Variants in NEDD9 observed in about 807,000 individuals in gnomAD.
NEDD9 encodes the protein neural precursor cell expressed, developmentally down-regulated 9, also known as enhancer of filamentation 1.
In NEDD9, 26 loss-of-function variants were observed where a neutral mutation model predicts 76.6. The observed-to-expected ratio is 0.34, with a 90% CI of 0.25 to 0.47. NEDD9 has a LOEUF of 0.47. Among genes scored for constraint, NEDD9 ranks in the 20% least tolerant of loss-of-function variants. The pLI, the probability that NEDD9 is intolerant of heterozygous loss-of-function variation, is 1.00. For missense variants in NEDD9, 937 were observed against 1,058.5 expected (o/e 0.89, Z 1.59); for synonymous variants, 392 against 414.2 (o/e 0.95, Z 0.65).
At chr6:11,305,705 G>C (rs1046316973) in intron 3 of NEDD9, 2 of 416,140 alleles carry the variant, frequency 4.8e-6, no homozygotes, top group Non-Finnish European at 8.8e-6. Context: ...AGGCTTGCTC[G>C]GGCACCATTA....
chr6:11,342,854 T>C (rs1214878707), intron 1 of NEDD9, among the ~76,000 whole-genome samples: 2 of 152,184 alleles, frequency 1.3e-5, no homozygotes, highest in East Asian at 1.9e-4. Flanking sequence ...GGAAGCCACA[T>C]TCAAAAGACT....
chr6:11,236,257 C>T (rs1485085119), upstream of NEDD9, among the ~76,000 whole-genome samples: 1 of 152,184 alleles, frequency 6.6e-6, no homozygotes, highest in Non-Finnish European at 1.5e-5. This position sits in a 1 kb window ranked among gnomAD's most constrained non-coding sequence, Gnocchi z 5.5. Flanking sequence ...CCTGCACTTG[C>T]CAGCACTCCG....
intron 2 of NEDD9, among the ~76,000 whole-genome samples, chr6:11,319,396 A>G (rs1761690973): frequency 6.6e-6 from 1 of 151,560 alleles, no homozygotes; most frequent in African/African-American, 2.4e-5. Context: ...ACACTCACAC[A>G]CACTCATGCA....
At chr6:11,375,919 GGT>G (rs1229947285) in intron 1 of NEDD9, among the ~76,000 whole-genome samples, 2 of 152,128 alleles carry the variant, frequency 1.3e-5, no homozygotes, top group African/African-American at 4.8e-5. Flanking sequence ...CCGCCTCCCG[GGT>G]TCATGCCATT....
At chr6:11,267,419 G>A (rs1180684608) in intron 3 of NEDD9, among the ~76,000 whole-genome samples, 1 of 151,412 alleles carries the variant, frequency 6.6e-6, no homozygotes, top group Non-Finnish European at 1.5e-5. Context: ...CTTGGCTGCA[G>A]GGATGTAGTT....
intron 2 of NEDD9, among the ~76,000 whole-genome samples, chr6:11,330,899 T>A (rs1055801714): frequency 1.3e-5 from 2 of 152,198 alleles, no homozygotes; most frequent in African/African-American, 4.8e-5. Context: ...TGCTTTAGGG[T>A]CTGAGTATTA....
At chr6:11,382,095 G>A (rs1763073581) in intron 1 of NEDD9, 1 of 152,250 alleles carries the variant, frequency 6.6e-6, no homozygotes, top group African/African-American at 2.4e-5. Context: ...GCCTGAATGA[G>A]TCCCTCCTCT....
chr6:11,296,683 T>TC (rs773456331), intron 3 of NEDD9, among the ~76,000 whole-genome samples: 9 of 128,428 alleles, frequency 7.0e-5, no homozygotes, highest in African/African-American at 1.1e-4. Flanking sequence ...TCCTTTCCCT[T>TC]CCTTCCTTCC....
chr6:11,308,618 C>G (rs1184435110), intron 2 of NEDD9, among the ~76,000 whole-genome samples: 1 of 152,078 alleles, frequency 6.6e-6, no homozygotes, highest in Non-Finnish European at 1.5e-5. Context: ...ATCCGCCCAC[C>G]TCAGCCTCCC....
rs149038949 is a variant in NEDD9, at chr6:11,379,481, G to A, written c.-214+2658C>T. Among the ~76,000 whole-genome samples, 674 of 152,162 alleles carry A rather than the reference G, an allele frequency of 4.4e-3. 4 individuals carry two copies. Among genetic ancestry groups the A allele is most frequent in the African/African-American group, 0.016 (645 of 41,506 alleles). On this transcript the variant is annotated intron_variant, in intron 1 of 3. Coordinates refer to the NEDD9 transcript ENST00000397378. ...TGGGCACCTGCAATCCCAGCTACTT[G>A]GGAGGCTGAGGCAAGAGAATCACTT...
In NEDD9 at chr6:11,319,883, C is replaced by T. The variant is rs549205925; in HGVS notation, c.-152-13728G>A. Reference sequence around the variant, plus strand: ...ACACTCATACACACTAACATGCACACATGCACACAAAGTCTGTCTCCAACT... The same window carrying T: ...ACACTCATACACACTAACATGCACATATGCACACAAAGTCTGTCTCCAACT... On this transcript the variant is annotated intron_variant, in intron 2 of 3. Coordinates refer to the NEDD9 transcript ENST00000397378. Among the ~76,000 whole-genome samples, 4 of 151,752 alleles carry T rather than the reference C, an allele frequency of 2.6e-5. No homozygotes were observed. The South Asian group carries it at 8.3e-4, about 31-fold the overall frequency.
intron 3 of NEDD9, among the ~76,000 whole-genome samples, chr6:11,260,034 G>A (rs966860302): frequency 2.0e-5 from 3 of 151,446 alleles, no homozygotes; most frequent in African/African-American, 7.3e-5. Flanking sequence ...GTACCATTAG[G>A]GATTCATTCA....
At chr6:11,302,173 A>G (rs1163012478) in intron 3 of NEDD9, among the ~76,000 whole-genome samples, 1 of 152,228 alleles carries the variant, frequency 6.6e-6, no homozygotes, top group Non-Finnish European at 1.5e-5. Context: ...ATAAAAAATG[A>G]TAAAGGGGAT....
At chr6:11,358,040 G>A (rs1446921462) in intron 1 of NEDD9, among the ~76,000 whole-genome samples, 2 of 152,138 alleles carry the variant, frequency 1.3e-5, no homozygotes, top group Admixed American at 1.3e-4. Flanking sequence ...ACGAGGTCAG[G>A]AGATCGAGAT....
At chr6:11,305,359 A>G (rs1761154451) in intron 3 of NEDD9, 7 of 297,982 alleles carry the variant, frequency 2.3e-5, no homozygotes, top group South Asian at 2.1e-4. Context: ...TAAACAGAAA[A>G]GCAAGGACCA....
At chr6:11,324,053 G>A (rs965534145) in intron 2 of NEDD9, among the ~76,000 whole-genome samples, 3 of 152,158 alleles carry the variant, frequency 2.0e-5, no homozygotes, top group African/African-American at 7.2e-5. Context: ...CACATGAAAC[G>A]AACCTCACAG....
chr6:11,265,676 G>C (rs1213253188), intron 3 of NEDD9, among the ~76,000 whole-genome samples: 1 of 152,160 alleles, frequency 6.6e-6, no homozygotes. Flanking sequence ...GGGGAGAGGT[G>C]TCATTGGTAC....
chr6:11,334,694 TG>T (rs1272336225), intron 1 of NEDD9: 2 of 152,276 alleles, frequency 1.3e-5, no homozygotes, highest in Non-Finnish European at 1.5e-5. Context: ...TCTCGCTTTA[TG>T]TTTTTTTGCT....
intron 3 of NEDD9, among the ~76,000 whole-genome samples, chr6:11,264,309 C>T (rs1760164837): frequency 6.6e-6 from 1 of 152,186 alleles, no homozygotes; most frequent in Admixed American, 6.5e-5. Flanking sequence ...GAGATGGCGC[C>T]CCCAGAGGAA....
Sources: allele counts gnomAD v4.1 joint callset (sites outside exome capture counted in the v4.1 genomes callset), GRCh38; gene constraint gnomAD v4.1.1; non-coding constraint Gnocchi (gnomAD v3.1); transcripts MANE v1.5; gene names NCBI Gene and HGNC (gene_info 2026-07-23, HGNC 2026-07-21).